CRB2: variants seen among roughly 807,000 people sequenced by gnomAD.
CRB2 encodes the protein protein crumbs homolog 2.
In CRB2, 85 loss-of-function variants were observed where a neutral mutation model predicts 110.9. That is an observed-to-expected ratio of 0.77 (90% confidence interval 0.64 to 0.92). CRB2 has a LOEUF of 0.92. CRB2 is among the 40% of genes least tolerant of loss of function. The probability of loss-of-function intolerance (pLI) is 0.00; values close to 1 mark genes in which losing one functional copy is unlikely to be tolerated. For missense variants in CRB2, 1,843 were observed against 1,851.3 expected, an observed-to-expected ratio of 1.00 and a Z score of 0.08; for synonymous variants, 907 against 831.0, an observed-to-expected ratio of 1.09 and a Z score of -1.57.
At chr9:123,364,178 T>C (rs774703225) in intron 2 of CRB2, among the ~76,000 whole-genome samples, 7 of 152,328 alleles carry the variant, frequency 4.6e-5, no homozygotes, top group African/African-American at 7.2e-5. Flanking sequence ...TCTCAGCGTC[T>C]GGGTGTATTA....
chr9:123,359,659 AGGCT>A (rs1471092200), intron 1 of CRB2, among the ~76,000 whole-genome samples: 1 of 151,880 alleles, frequency 6.6e-6, no homozygotes, highest in Admixed American at 6.6e-5. Context: ...ATGTTTGCAC[AGGCT>A]GGTCTTGAGC....
At position 123,374,652 on chromosome 9, in the gene CRB2, C is replaced by T. The variant is rs552093127; in HGVS notation, c.3463C>T (p.Pro1155Ser). 5 of 1,612,872 alleles carry T rather than the reference C, an allele frequency of 3.1e-6. No individual in the cohort carries two copies. Among genetic ancestry groups the T allele is most frequent in the Non-Finnish European group, 4.2e-6 (5 of 1,179,958 alleles). The change falls in exon 11 of 13, where the codon CCC becomes TCC. Residue 1155 changes from proline (P) to serine (S), a missense_variant. By Grantham distance (74) the Pro-to-Ser change is moderately conservative (BLOSUM62 -1). Transcript: ENST00000373631. ...TGGCAGCCCATGTGAGGGTGGCTCT[C>T]CCGCTGCCAACTGCAGCTGCCTGGA... Reference protein sequence around the residue: ...LDGSPCEGGSPAANCSCLEGL... With the variant: ...LDGSPCEGGSSAANCSCLEGL...
At chr9:123,358,377 C>A (rs2041823874) in intron 1 of CRB2, among the ~76,000 whole-genome samples, 1 of 152,212 alleles carries the variant, frequency 6.6e-6, no homozygotes, top group South Asian at 2.1e-4. Context: ...CCCAAACACC[C>A]AGGGAGCCCA....
intron 8 of CRB2, 144 bp from the exon 9 acceptor site, chr9:123,372,033 G>A (rs2042024198): frequency 2.5e-6 from 2 of 809,908 alleles, no homozygotes; most frequent in Admixed American, 2.7e-5. Context: ...GTAAAATGGG[G>A]ATCTTAGCGA....
intron 9 of CRB2, among the ~76,000 whole-genome samples, chr9:123,372,685 GC>G (rs2042033701): frequency 2.6e-5 from 4 of 152,258 alleles, no homozygotes; most frequent in Admixed American, 2.6e-4. Context: ...ACCCAGCTAG[GC>G]GGCTCTGACT....
At position 123,370,114 on chromosome 9, in the gene CRB2, CA is replaced by C; in HGVS notation, c.1062del (p.Cys355ValfsTer89). 1.3e-6 allele frequency: 2 copies of C among 1,583,064 alleles called. No individual in the cohort carries two copies. The highest frequency in any genetic ancestry group is 8.6e-7 in the Non-Finnish European group (1 of 1,162,320). On this transcript the variant is annotated frameshift_variant, in exon 7 of 13. Coordinates refer to ENST00000373631, the MANE Select transcript of CRB2 (RefSeq NM_173689.7). LOFTEE classifies it high-confidence loss of function. ...GGCTTTGTCTCTCCCAAAGGGCCGACATGTGAGGAAGATGTGGATGAATGCC... is the reference window on the plus strand; with the variant it reads ...GGCTTTGTCTCTCCCAAAGGGCCGACTGTGAGGAAGATGTGGATGAATGCC... ...CHCPDGYAGP[T>X]CEEDVDECLS... is the part of the protein sequence containing the mutation.
At chr9:123,376,777 G>C in intron 12 of CRB2, 61 bp from the exon 13 acceptor site, 1 of 1,456,042 alleles carries the variant, frequency 6.9e-7, no homozygotes, top group South Asian at 1.3e-5. Context: ...TCTGCTCTCT[G>C]AGGGCCCCGG....
Position 123,376,776 on chromosome 9 carries a change from TGA to T in CRB2, c.3634-60_3634-59del, listed in dbSNP as rs1447816680. 5 of 1,449,260 alleles carry T rather than the reference TGA, an allele frequency of 3.5e-6. No individual in the cohort carries two copies. In the East Asian group the frequency reaches 1.2e-4, roughly 35 times the overall value. The allele number at this position is 1,449,260 out of a possible 1,614,324, so 89.8% of individuals were successfully genotyped here. On this transcript the variant is annotated intron_variant, in intron 12 of 12. Coordinates refer to ENST00000373631, the MANE Select transcript of CRB2 (RefSeq NM_173689.7). The stretch of plus-strand genomic sequence containing the variant: ...TCCTTGTGCTGCGCTCTCTGCTCTC[TGA>T]GGGCCCCGGCGTCCTCCCCTTCTCT...
At chr9:123,355,035 G>A (rs1026889117), upstream of CRB2, among the ~76,000 whole-genome samples, 11 of 152,222 alleles carry the variant, frequency 7.2e-5, no homozygotes, top group East Asian at 1.9e-4. Context: ...CTGTATCCAC[G>A]GTTACTGAAT....
rs2041998907 is a variant in CRB2 at position 123,370,538 on chromosome 9, C to G, written c.1485C>G (p.Ala495=). 1 of 1,613,640 alleles carries G rather than the reference C, an allele frequency of 6.2e-7. No individual in the cohort carries two copies. The highest frequency in any genetic ancestry group is 8.5e-7 in the Non-Finnish European group (1 of 1,180,044). ...CATTGGTGGCAGCCACACTTCAGGC[C>G]ACACTCTGGAGCTACAGCACCACTG... The part of the protein sequence containing the change: ...ELALVAATLQ[A]TLWSYSTTVL... The change falls in exon 7 of 13, where the codon GCC becomes GCG. Residue 495 remains alanine (A), a synonymous_variant. Transcript: ENST00000373631.
At chr9:123,356,892 G>A (rs533574871) in intron 1 of CRB2, among the ~76,000 whole-genome samples, 19 of 152,206 alleles carry the variant, frequency 1.2e-4, no homozygotes, top group South Asian at 6.2e-4. Flanking sequence ...CCTAGCACAC[G>A]CTGTGGGGTG....
rs994084983 is a variant in CRB2, at chr9:123,373,821, C to A, written c.3290C>A (p.Pro1097His). The change falls in exon 10 of 13, where the codon CCC (proline) becomes CAC (histidine). Residue 1097 changes from proline to histidine, a missense_variant. Physicochemically the swap from Pro to His is moderately conservative, Grantham distance 77 (BLOSUM62 -2). Coordinates refer to ENST00000373631, the MANE Select transcript of CRB2 (RefSeq NM_173689.7). ...EGPRCEAHVD[P>H]CHSAPCARGR... ...CCGCGCTGCGAAGCCCACGTCGACC[C>A]CTGTCACTCCGCCCCCTGCGCCCGT... is the stretch of plus-strand genomic sequence containing the variant. 2 of 1,581,602 alleles carry A rather than the reference C, an allele frequency of 1.3e-6. No individual in the cohort carries two copies.
downstream of CRB2, among the ~76,000 whole-genome samples, chr9:123,379,094 C>T (rs950997731): frequency 2.9e-5 from 4 of 138,934 alleles, no homozygotes; most frequent in East Asian, 2.2e-4. Flanking sequence ...TGTGAGCCAC[C>T]GCGCCCGGCC....
chr9:123,371,113 T>C lies in CRB2; in HGVS notation c.1971T>C (p.Ser657=). 1 of 1,613,450 alleles carries C rather than the reference T, an allele frequency of 6.2e-7. No individual in the cohort carries two copies. The stretch of plus-strand genomic sequence containing the variant: ...TTGGCTTGGGAGGCGCCCCAAGCTC[T>C]GCCTCCTTTCTGCTCCAAGAGCTGC... ...ATFGLGGAPS[S]ASFLLQELPG... is the part of the protein sequence containing the mutation. Residue 657 remains serine, a synonymous_variant, in exon 8 of 13, where the codon TCT becomes TCC. Coordinates refer to ENST00000373631, the MANE Select transcript of CRB2 (RefSeq NM_173689.7).
At chr9:123,360,464 C>T (rs1303714300) in intron 1 of CRB2, among the ~76,000 whole-genome samples, 1 of 152,222 alleles carries the variant, frequency 6.6e-6, no homozygotes, top group Admixed American at 6.5e-5. Flanking sequence ...CACCCCGCCC[C>T]TCCTTGCCTC....
intron 2 of CRB2, among the ~76,000 whole-genome samples, chr9:123,365,016 C>G (rs537082296): frequency 5.3e-5 from 8 of 152,192 alleles, no homozygotes; most frequent in Non-Finnish European, 1.0e-4. Flanking sequence ...AATCCCAGCA[C>G]TTCGGGAGGC....
chr9:123,370,320 G>C lies in CRB2; in HGVS notation c.1267G>C (p.Val423Leu), dbSNP rs775167408. The C allele has an allele frequency of 6.2e-7, 1 of 1,613,606 alleles. No individual in the cohort carries two copies. Among genetic ancestry groups the C allele is most frequent in the Admixed American group, 1.7e-5 (1 of 60,000 alleles). The change falls in exon 7 of 13, where the codon GTC (valine) becomes CTC (leucine). Residue 423 changes from valine to leucine, a missense_variant. Transcript: ENST00000373631. ...CTTCGAGTCTGGGGTCCACAGTTAC[G>C]TCTGCCACTGCCCACCTGGTACCCA... ...PIFESGVHSY[V>L]CHCPPGTHGP... is the part of the protein sequence containing the mutation.
rs1277044340 is a variant in CRB2, at chr9:123,370,569, G to A, written c.1516G>A (p.Val506Ile). 16 of 1,613,342 alleles carry A rather than the reference G, an allele frequency of 9.9e-6. No homozygotes were observed. The highest frequency in any genetic ancestry group is 1.4e-5 in the Non-Finnish European group (16 of 1,180,042). The change falls in exon 7 of 13, where the codon GTC (valine) becomes ATC (isoleucine). Residue 506 changes from valine to isoleucine, a missense_variant. Val to Ile is a conservative substitution (Grantham distance 29, BLOSUM62 3). Transcript: ENST00000373631. ...CTGGAGCTACAGCACCACTGTGCTT[G>A]TCCTGAGACTGCCGGACCTGGCCCT... ...TLWSYSTTVL[V>I]LRLPDLALND...
At chr9:123,379,210 C>T (rs2042162804), downstream of CRB2, among the ~76,000 whole-genome samples, 1 of 152,054 alleles carries the variant, frequency 6.6e-6, no homozygotes, top group Non-Finnish European at 1.5e-5. Flanking sequence ...TGGGCATGTT[C>T]CACGCTCACT....
Sources: gnomAD v4.1 joint callset for allele counts (sites outside exome capture counted in the v4.1 genomes callset) on GRCh38, gnomAD v4.1.1 for gene constraint, MANE v1.5 for transcripts, NCBI Gene and HGNC (gene_info 2026-07-23, HGNC 2026-07-21) for gene names.